The following RNF220 variants were observed in gnomAD, a reference collection of about 807,000 sequenced individuals.
RNF220 encodes the protein E3 ubiquitin-protein ligase RNF220.
A neutral mutation model predicts 67.1 loss-of-function variants in RNF220; 7 were observed. The ratio of observed to expected loss-of-function variants is 0.10; its 90% confidence interval spans 0.06 to 0.20. The LOEUF is 0.20. Among genes scored for constraint, RNF220 ranks in the 10% least tolerant of loss-of-function variants. The probability of loss-of-function intolerance (pLI) is 1.00; values close to 1 mark genes in which losing one functional copy is unlikely to be tolerated. For missense variants in RNF220, 565 were observed against 740.3 expected (o/e 0.76, Z 2.75); for synonymous variants, 270 against 283.2 (o/e 0.95, Z 0.47).
chr1:44,482,861 T>C (rs919146273), intron 2 of RNF220, among the ~76,000 whole-genome samples: 2 of 151,324 alleles, frequency 1.3e-5, no homozygotes, highest in Non-Finnish European at 2.9e-5. Context: ...CCTCAAGTGA[T>C]CTACCTGCCT....
In RNF220 at chr1:44,412,299, A is replaced by G. The variant is rs1201647560; in HGVS notation, c.202A>G (p.Thr68Ala). The change falls in exon 2 of 15, where the codon ACC becomes GCC. Residue 68 changes from threonine to alanine, a missense_variant. Physicochemically the swap from Thr to Ala is moderately conservative, Grantham distance 58. Coordinates refer to ENST00000361799, the MANE Select transcript of RNF220 (RefSeq NM_018150.4). The surrounding 1 kb of genome is among the most constrained non-coding windows in gnomAD (Gnocchi z 5.3). ...VHIPFTNGSY[T>A]FASMYHRQGG... ...TATTCCTTTCACCAACGGTTCCTAT[A>G]CCTTTGCCTCTATGTACCATCGGCA... The G allele has an allele frequency of 6.2e-7, 1 of 1,613,854 alleles. No homozygotes were observed. The highest frequency in any genetic ancestry group is 8.5e-7 in the Non-Finnish European group (1 of 1,180,004).
At chr1:44,539,361 A>G (rs1197855353) in intron 2 of RNF220, among the ~76,000 whole-genome samples, 2 of 152,068 alleles carry the variant, frequency 1.3e-5, no homozygotes, top group Admixed American at 6.6e-5. Flanking sequence ...CTTGCCCCCA[A>G]ATGCCCGAGC....
intron 5 of RNF220, chr1:44,631,838 AG>A: frequency 1.1e-6 from 1 of 919,082 alleles, no homozygotes; most frequent in Non-Finnish European, 1.3e-6. Flanking sequence ...GGGCGGTGGG[AG>A]GGACCCCGGG....
At chr1:44,497,706 A>G (rs1004601560) in intron 2 of RNF220, among the ~76,000 whole-genome samples, 8 of 152,116 alleles carry the variant, frequency 5.3e-5, no homozygotes, top group African/African-American at 1.9e-4. Context: ...TCCTTGGTAC[A>G]TGCAAATCTC....
At chr1:44,640,337 T>TG in intron 8 of RNF220, among the ~76,000 whole-genome samples, 1 of 152,340 alleles carries the variant, frequency 6.6e-6, no homozygotes, top group East Asian at 1.9e-4. Flanking sequence ...GAGGCGGTCT[T>TG]GGAGTGGAGA....
In RNF220 at chr1:44,645,720, C is replaced by CGCCTGCCT. The variant is rs1009751098; in HGVS notation, c.1445+244_1445+251dup. 1.3e-5 allele frequency among the ~76,000 whole-genome samples: 2 copies of CGCCTGCCT among 152,282 alleles called. No individual in the cohort carries two copies. The highest frequency in any genetic ancestry group is 3.9e-4 in the East Asian group (2 of 5,158). On this transcript the variant is annotated intron_variant, in intron 12 of 14. Coordinates refer to ENST00000361799, the MANE Select transcript of RNF220 (RefSeq NM_018150.4). This position sits in a 1 kb window ranked among gnomAD's most constrained non-coding sequence, Gnocchi z 5.0. ...TTGGCGGTGGGAGGAGCAGTCCACC[C>CGCCTGCCT]GCCTGCCTGCCTGCCTGCCCGCCTG...
chr1:44,499,494 C>T (rs1657636253), intron 2 of RNF220, among the ~76,000 whole-genome samples: 1 of 152,176 alleles, frequency 6.6e-6, no homozygotes, highest in Non-Finnish European at 1.5e-5. Flanking sequence ...TTTCCTCACT[C>T]CGCTTCTAGG....
At chr1:44,519,124 G>A (rs537548976) in intron 2 of RNF220, among the ~76,000 whole-genome samples, 56 of 152,162 alleles carry the variant, frequency 3.7e-4, no homozygotes, top group Admixed American at 3.3e-3. Flanking sequence ...GGTTGGGAGG[G>A]GTGGGGAGAA....
chr1:44,492,537 G>C (rs1231863762), intron 2 of RNF220, among the ~76,000 whole-genome samples: 1 of 152,144 alleles, frequency 6.6e-6, no homozygotes, highest in African/African-American at 2.4e-5. Flanking sequence ...CTGATGAATG[G>C]ATAAACACAA....
chr1:44,533,155 T>C (rs1229207126), intron 2 of RNF220, among the ~76,000 whole-genome samples: 1 of 152,192 alleles, frequency 6.6e-6, no homozygotes, highest in Non-Finnish European at 1.5e-5. Context: ...TAAACGAAAG[T>C]CTGCTGAAGG....
intron 2 of RNF220, among the ~76,000 whole-genome samples, chr1:44,587,454 T>C (rs1353454189): frequency 2.0e-5 from 3 of 152,142 alleles, no homozygotes; most frequent in Admixed American, 1.3e-4. Flanking sequence ...GCCACTGTTG[T>C]ATCTTCTTTA....
intron 2 of RNF220, chr1:44,419,477 G>A (rs1572437759): frequency 6.6e-6 from 1 of 152,114 alleles, no homozygotes; most frequent in Admixed American, 6.5e-5. Flanking sequence ...CCAATGGATT[G>A]GACTTTTCTG....
intron 2 of RNF220, among the ~76,000 whole-genome samples, chr1:44,519,737 G>A (rs1295930765): frequency 5.3e-5 from 8 of 152,140 alleles, no homozygotes; most frequent in South Asian, 2.1e-4. Context: ...TAGATTGCAC[G>A]GAAAGTCAAG....
intron 2 of RNF220, among the ~76,000 whole-genome samples, chr1:44,519,746 A>G (rs1158457626): frequency 6.6e-6 from 1 of 152,204 alleles, no homozygotes; most frequent in Non-Finnish European, 1.5e-5. Flanking sequence ...CGGAAAGTCA[A>G]GTGCAGGTGT....
intron 2 of RNF220, among the ~76,000 whole-genome samples, chr1:44,587,311 C>G (rs767550629): frequency 1.3e-5 from 2 of 152,018 alleles, no homozygotes; most frequent in Non-Finnish European, 2.9e-5. Context: ...CCACGCCTGG[C>G]TAATTTTTAT....
Position 44,412,107 on chromosome 1 carries a change from C to T in RNF220, c.10C>T (p.His4Tyr), listed in dbSNP as rs769077992. Residue 4 changes from histidine (H) to tyrosine (Y), a missense_variant, in exon 2 of 15, where the codon CAC (histidine) becomes TAC (tyrosine). By Grantham distance (83) the His-to-Tyr change is moderately conservative. Coordinates refer to ENST00000361799, the MANE Select transcript of RNF220 (RefSeq NM_018150.4). This position sits in a 1 kb window ranked among gnomAD's most constrained non-coding sequence, Gnocchi z 5.3. ...ACAGAAAGAGACTCCGATGGACTTA[C>T]ACCGGGCAGCCTTCAAGATGGAGAA... MDL[H>Y]RAAFKMENSS... 6.2e-6 allele frequency: 10 copies of T among 1,611,026 alleles called. No homozygotes were observed. In the Admixed American group the frequency reaches 6.7e-5, roughly 11 times the overall value.
At chr1:44,441,332 AT>A (rs1651532704) in intron 2 of RNF220, among the ~76,000 whole-genome samples, 1 of 152,168 alleles carries the variant, frequency 6.6e-6, no homozygotes, top group Non-Finnish European at 1.5e-5. Flanking sequence ...TACCATCTGA[AT>A]GTGAACTCTG....
chr1:44,406,179 C>G (rs535271266), intron 1 of RNF220, among the ~76,000 whole-genome samples: 27 of 152,282 alleles, frequency 1.8e-4, no homozygotes, highest in African/African-American at 6.3e-4. Context: ...AGCCCTGGAC[C>G]CCGGGTGCTC....
At chr1:44,497,222 TTTGATATGTTTGTC>T (rs1557983004) in intron 2 of RNF220, among the ~76,000 whole-genome samples, 2 of 152,084 alleles carry the variant, frequency 1.3e-5, no homozygotes, top group African/African-American at 4.8e-5. Context: ...GACAGACATA[TTTGATATGTTTGTC>T]TCATCCTTTC....
Sources: allele counts gnomAD v4.1 joint callset (sites outside exome capture counted in the v4.1 genomes callset), GRCh38; gene constraint gnomAD v4.1.1; non-coding constraint Gnocchi (gnomAD v3.1); transcripts MANE v1.5; gene names NCBI Gene and HGNC (gene_info 2026-07-23, HGNC 2026-07-21).